Variants in MRC1 observed in about 807,000 individuals in gnomAD.
The protein encoded by MRC1 is macrophage mannose receptor 1.
Under a neutral mutation model 102.9 loss-of-function variants are expected in MRC1, and 62 were observed. The observed-to-expected ratio is 0.60, with a 90% CI of 0.49 to 0.74. MRC1 has a LOEUF of 0.74. MRC1 is among the 30% of genes least tolerant of loss of function. MRC1 has a pLI of 0.00. For missense variants in MRC1, 1,237 were observed against 862.8 expected (o/e 1.43, Z -5.43); for synonymous variants, 457 against 298.4 (o/e 1.53, Z -5.48).
chr10:17,906,186 G>A (rs1833892423), intron 26 of MRC1, among the ~76,000 whole-genome samples: 1 of 151,842 alleles, frequency 6.6e-6, no homozygotes, highest in Non-Finnish European at 1.5e-5. Context: ...TCAAAGCAAG[G>A]TGATGGGTTA....
At chr10:17,813,437 A>G (rs1318537503) in intron 1 of MRC1, among the ~76,000 whole-genome samples, 2 of 152,124 alleles carry the variant, frequency 1.3e-5, no homozygotes, top group Non-Finnish European at 2.9e-5. Context: ...AGCACTCTTG[A>G]AAACTTTGAT....
intron 11 of MRC1, 39 bp from the exon 12 acceptor site, chr10:17,866,523 C>CACCT (rs1378936440): frequency 3.8e-6 from 3 of 780,730 alleles, no homozygotes; most frequent in Non-Finnish European, 7.2e-6. Context: ...CTTCAGCAGG[C>CACCT]ACCTGTCAAG....
chr10:17,885,739 C>T (rs891353110), intron 22 of MRC1, among the ~76,000 whole-genome samples: 65 of 151,962 alleles, frequency 4.3e-4, no homozygotes, highest in African/African-American at 1.5e-3. Context: ...GTATCACCTT[C>T]CCCTTATTCC....
intron 17 of MRC1, among the ~76,000 whole-genome samples, chr10:17,877,066 CTA>C (rs1342478489): frequency 3.4e-5 from 5 of 148,692 alleles, no homozygotes; most frequent in Admixed American, 6.7e-5. Context: ...TATTGCACAA[CTA>C]TATATATATA....
At chr10:17,837,705 A>G (rs1377648404) in intron 4 of MRC1, among the ~76,000 whole-genome samples, 3 of 151,846 alleles carry the variant, frequency 2.0e-5, no homozygotes, top group African/African-American at 4.8e-5. Flanking sequence ...GACTTAAGTG[A>G]TTCTCGTGCC....
intron 6 of MRC1, among the ~76,000 whole-genome samples, chr10:17,846,371 A>G (rs1554840228): frequency 6.6e-6 from 1 of 152,128 alleles, no homozygotes; most frequent in Non-Finnish European, 1.5e-5. Context: ...TTTTGGAGGG[A>G]CAGCGAATGC....
intron 1 of MRC1, among the ~76,000 whole-genome samples, 166 bp from the exon 2 acceptor site, chr10:17,822,908 G>A (rs1838417293): frequency 6.6e-6 from 1 of 152,168 alleles, no homozygotes; most frequent in African/African-American, 2.4e-5. Flanking sequence ...TCCTCGAAGA[G>A]AGCTGGCCCA....
At chr10:17,899,141 T>G (rs1172646360) in intron 24 of MRC1, among the ~76,000 whole-genome samples, 2 of 150,960 alleles carry the variant, frequency 1.3e-5, no homozygotes, top group Non-Finnish European at 2.9e-5. Context: ...GGAGAGTAGA[T>G]GAGTGTCAGA....
At chr10:17,818,105 A>T (rs1173817001) in intron 1 of MRC1, among the ~76,000 whole-genome samples, 2 of 152,220 alleles carry the variant, frequency 1.3e-5, no homozygotes, top group Non-Finnish European at 2.9e-5. Flanking sequence ...ATTGAAACAG[A>T]ACCTTTTCAT....
intron 6 of MRC1, among the ~76,000 whole-genome samples, chr10:17,846,892 A>G (rs1838833767): frequency 6.6e-6 from 1 of 152,252 alleles, no homozygotes; most frequent in Non-Finnish European, 1.5e-5. Context: ...GTCCTGAGGT[A>G]AATAACTATA....
chr10:17,872,751 A>G (rs1325201238), intron 15 of MRC1, among the ~76,000 whole-genome samples: 1 of 152,200 alleles, frequency 6.6e-6, no homozygotes, highest in Non-Finnish European at 1.5e-5. Flanking sequence ...AGTTCTGCAT[A>G]TTCAAGTCAG....
Position 17,856,279 on chromosome 10 carries a change from T to A in MRC1, c.1445T>A (p.Leu482His). The change falls in exon 9 of 30, where the codon CTT (leucine) becomes CAT (histidine). Residue 482 changes from leucine to histidine, a missense_variant. By Grantham distance (99) the Leu-to-His change is moderately conservative (BLOSUM62 -3). Coordinates refer to ENST00000569591, the MANE Select transcript of MRC1 (RefSeq NM_002438.4). ...GCAGATCGGGGCTGTGAGTGGCCTC[T>A]TGGCTACATCTGCAAGATGAAATCA... is the stretch of plus-strand genomic sequence containing the variant. ...YWADRGCEWP[L>H]GYICKMKSRS... 1.2e-6 allele frequency: 1 copy of A among 867,684 alleles called. No individual in the cohort carries two copies. The highest frequency in any genetic ancestry group is 2.0e-6 in the Non-Finnish European group (1 of 499,438). 53.7% of individuals were successfully genotyped at this position (867,684 alleles called of 1,614,324 possible).
intron 24 of MRC1, among the ~76,000 whole-genome samples, chr10:17,899,836 C>T (rs980568459): frequency 2.6e-5 from 4 of 152,196 alleles, no homozygotes; most frequent in Admixed American, 6.5e-5. Flanking sequence ...CGGTGGCTCA[C>T]GCCTGTAACC....
intron 22 of MRC1, among the ~76,000 whole-genome samples, chr10:17,886,547 G>A (rs1183818941): frequency 6.6e-6 from 1 of 152,028 alleles, no homozygotes; most frequent in Non-Finnish European, 1.5e-5. Flanking sequence ...GATTACAGGT[G>A]CCCACCACCA....
At chr10:17,812,462 G>C (rs1225911058) in intron 1 of MRC1, among the ~76,000 whole-genome samples, 1 of 151,806 alleles carries the variant, frequency 6.6e-6, no homozygotes, top group Non-Finnish European at 1.5e-5. Context: ...ATGCTGTTTT[G>C]CTGTTTACTG....
chr10:17,882,987 A>G (rs1485985720), intron 21 of MRC1, among the ~76,000 whole-genome samples: 1 of 152,216 alleles, frequency 6.6e-6, no homozygotes, highest in Non-Finnish European at 1.5e-5. Context: ...ACGTAGTTGA[A>G]TTCTTATTGT....
rs1274595448 is a variant in MRC1, at chr10:17,856,363, C to T, written c.1518+11C>T. 1.2e-6 allele frequency: 1 copy of T among 839,066 alleles called. No homozygotes were observed. Among genetic ancestry groups the T allele is most frequent in the Admixed American group, 1.9e-5 (1 of 53,718 alleles). The allele number at this position is 839,066 out of a possible 1,614,324, so 52.0% of individuals were successfully genotyped here. A position where few individuals can be genotyped will look rare whatever the true frequency, so the allele number is the denominator to read the frequency against. ...AAAGGCTGCAGGAAAGTGAGTGCAC[C>T]ATGCCCACAGTGACTTAAGCTGAGC... On this transcript the variant is annotated intron_variant, in intron 9 of 29. Transcript: ENST00000569591.
At chr10:17,819,579 G>T (rs930599584) in intron 1 of MRC1, among the ~76,000 whole-genome samples, 5 of 151,990 alleles carry the variant, frequency 3.3e-5, no homozygotes, top group African/African-American at 1.2e-4. Context: ...AAGCTGGCAA[G>T]TCCAAAACCT....
rs1047519594 is a variant in MRC1, at chr10:17,868,286, T to C, written c.1983+1525T>C. Reference sequence around the variant, plus strand: ...GGTTGAATTGTCTCCCAGCTCCACATGGCTGGGGAGGCCTCAGGAAATTAC... The same window carrying C: ...GGTTGAATTGTCTCCCAGCTCCACACGGCTGGGGAGGCCTCAGGAAATTAC... On this transcript the variant is annotated intron_variant, in intron 12 of 29. Transcript: ENST00000569591. Among the ~76,000 whole-genome samples, 71 of 152,252 alleles carry C rather than the reference T, an allele frequency of 4.7e-4. 1 individual carries two copies. The East Asian group carries it at 0.014, about 29-fold the overall frequency.
Sources: gnomAD v4.1 joint callset for allele counts (sites outside exome capture counted in the v4.1 genomes callset) on GRCh38, gnomAD v4.1.1 for gene constraint, MANE v1.5 for transcripts, NCBI Gene and HGNC (gene_info 2026-07-23, HGNC 2026-07-21) for gene names.